The following SMARCC1 variants were observed in gnomAD, a reference collection of about 807,000 sequenced individuals.
SMARCC1 encodes the protein SWI/SNF related BAF chromatin remodeling complex subunit C1, also known as SWI/SNF complex subunit SMARCC1.
Under a neutral mutation model 147.4 loss-of-function variants are expected in SMARCC1, and 43 were observed. The ratio of observed to expected loss-of-function variants is 0.29; its 90% CI spans 0.23 to 0.38. The LOEUF is 0.38. SMARCC1 is among the 10% of genes least tolerant of loss of function. The probability of loss-of-function intolerance (pLI) is 1.00; values close to 1 mark genes in which losing one functional copy is unlikely to be tolerated. For missense variants in SMARCC1, 1,119 were observed against 1,381.1 expected, an observed-to-expected ratio of 0.81 and a Z score of 3.01; for synonymous variants, 495 against 484.4, an observed-to-expected ratio of 1.02 and a Z score of -0.29.
intron 1 of SMARCC1, among the ~76,000 whole-genome samples, chr3:47,776,561 G>C (rs2034977635): frequency 6.6e-6 from 1 of 151,692 alleles, no homozygotes; most frequent in Non-Finnish European, 1.5e-5. Flanking sequence ...CCAAGAGCGT[G>C]CCACGCACTC....
chr3:47,732,045 A>G (rs1185036844), intron 5 of SMARCC1, among the ~76,000 whole-genome samples: 1 of 152,206 alleles, frequency 6.6e-6, no homozygotes, highest in Non-Finnish European at 1.5e-5. Context: ...TACATTGAAC[A>G]TCTGTTGTTT....
At chr3:47,654,459 T>A (rs1241108900) in intron 21 of SMARCC1, among the ~76,000 whole-genome samples, 1 of 152,226 alleles carries the variant, frequency 6.6e-6, no homozygotes, top group East Asian at 1.9e-4. Context: ...AAAGAGTTGG[T>A]ACTCTAGGTG....
chr3:47,668,727 A>AC (rs1273373725), intron 19 of SMARCC1, among the ~76,000 whole-genome samples: 1 of 152,164 alleles, frequency 6.6e-6, no homozygotes, highest in East Asian at 1.9e-4. Context: ...TATTAAAAAT[A>AC]CAAAAAAACT....
At chr3:47,641,925 C>A (rs772099534) in intron 21 of SMARCC1, among the ~76,000 whole-genome samples, 2 of 152,146 alleles carry the variant, frequency 1.3e-5, no homozygotes, top group African/African-American at 2.4e-5. Context: ...GCGTGTACCA[C>A]TGTGTCTGGC....
At chr3:47,704,549 G>A (rs967373793) in intron 10 of SMARCC1, among the ~76,000 whole-genome samples, 2 of 152,066 alleles carry the variant, frequency 1.3e-5, no homozygotes, top group African/African-American at 4.8e-5. Flanking sequence ...CATTATAGTT[G>A]ACAGTGCGCT....
chr3:47,767,016 C>T (rs1429107850), intron 2 of SMARCC1, among the ~76,000 whole-genome samples: 1 of 151,818 alleles, frequency 6.6e-6, no homozygotes, highest in Non-Finnish European at 1.5e-5. Context: ...CCTGTCTCTA[C>T]TAAAATACAA....
At chr3:47,670,622 T>C (rs369515585) in intron 19 of SMARCC1, 36 bp downstream of exon 19, 28 of 1,244,606 alleles carry the variant, frequency 2.2e-5, no homozygotes, top group Non-Finnish European at 3.1e-5. Context: ...AGTCAAAGAA[T>C]CTTAGCACAC....
chr3:47,722,595 C>A (rs980802337), intron 6 of SMARCC1, among the ~76,000 whole-genome samples: 4 of 151,778 alleles, frequency 2.6e-5, no homozygotes, highest in African/African-American at 9.7e-5. Context: ...TGTGCCTGGC[C>A]AAAAAAATTT....
chr3:47,618,691 T>C (rs1198346328), intron 25 of SMARCC1, among the ~76,000 whole-genome samples: 3 of 152,116 alleles, frequency 2.0e-5, no homozygotes, highest in African/African-American at 4.8e-5. Context: ...TGGGGGCCAG[T>C]AGACAGAAGT....
At chr3:47,777,861 A>G (rs1007489681) in intron 1 of SMARCC1, among the ~76,000 whole-genome samples, 1 of 152,004 alleles carries the variant, frequency 6.6e-6, no homozygotes, top group Non-Finnish European at 1.5e-5. Flanking sequence ...TAAAATATTT[A>G]ATTCTGATTA....
intron 2 of SMARCC1, among the ~76,000 whole-genome samples, chr3:47,757,179 C>T (rs1029337409): frequency 7.2e-5 from 11 of 151,780 alleles, no homozygotes; most frequent in African/African-American, 2.4e-4. Flanking sequence ...TGAGCCCAGG[C>T]GTTTGAGGCC....
chr3:47,604,548 T>A, intron 26 of SMARCC1: 1 of 324,710 alleles, frequency 3.1e-6, no homozygotes, highest in South Asian at 2.6e-5. Flanking sequence ...AAAGCCATTC[T>A]GGCCCCAAAA....
At chr3:47,620,182 G>A (rs2032706539) in intron 25 of SMARCC1, among the ~76,000 whole-genome samples, 2 of 152,232 alleles carry the variant, frequency 1.3e-5, no homozygotes, top group South Asian at 4.1e-4. Flanking sequence ...TTTATTTTTG[G>A]CCAGGTGCGG....
chr3:47,713,398 G>A (rs1317289114), intron 8 of SMARCC1, among the ~76,000 whole-genome samples: 1 of 152,074 alleles, frequency 6.6e-6, no homozygotes, highest in Non-Finnish European at 1.5e-5. Flanking sequence ...GTAGTGCTTT[G>A]TTTTGTACTA....
chr3:47,629,729 C>T (rs1319886192), intron 24 of SMARCC1, among the ~76,000 whole-genome samples: 1 of 152,018 alleles, frequency 6.6e-6, no homozygotes, highest in Non-Finnish European at 1.5e-5. Context: ...TGTCTCTGGC[C>T]CTCTATAATA....
intron 19 of SMARCC1, chr3:47,663,605 T>C (rs1176651663): frequency 1.3e-6 from 2 of 1,485,908 alleles, no homozygotes; most frequent in Non-Finnish European, 1.9e-6. Flanking sequence ...CCTGCTGCTG[T>C]GGCCCAGACA....
chr3:47,743,774 C>T (rs949857966), intron 3 of SMARCC1, among the ~76,000 whole-genome samples: 1 of 150,418 alleles, frequency 6.6e-6, no homozygotes, highest in Non-Finnish European at 1.5e-5. Context: ...GATTACACCA[C>T]TGCACTCCGG....
At chr3:47,666,936 T>C (rs1456679005) in intron 19 of SMARCC1, among the ~76,000 whole-genome samples, 1 of 152,176 alleles carries the variant, frequency 6.6e-6, no homozygotes, top group Admixed American at 6.5e-5. Flanking sequence ...GTATGTAAAG[T>C]GTATGCACAC....
At chr3:47,686,894 C>G (rs1450830512) in intron 13 of SMARCC1, among the ~76,000 whole-genome samples, 1 of 152,030 alleles carries the variant, frequency 6.6e-6, no homozygotes, top group African/African-American at 2.4e-5. Flanking sequence ...CTGAAGTCAG[C>G]AAGATTGCTT....
Sources: gnomAD v4.1 joint callset for allele counts (sites outside exome capture counted in the v4.1 genomes callset) on GRCh38, gnomAD v4.1.1 for gene constraint, MANE v1.5 for transcripts, NCBI Gene and HGNC (gene_info 2026-07-23, HGNC 2026-07-21) for gene names.